Variants in MIB1 observed in about 807,000 individuals in gnomAD.
MIB1 encodes the protein E3 ubiquitin-protein ligase MIB1.
In MIB1, 278 loss-of-function variants were observed where a neutral mutation model predicts 124.5. The ratio of observed to expected loss-of-function variants is 2.23; its 90% CI spans 2.02 to 2.47. The LOEUF (loss-of-function observed/expected upper bound fraction) is 2.47. Among genes scored for constraint, MIB1 ranks in the 30% most tolerant of loss-of-function variants. The pLI is 0.00. For missense variants in MIB1, 957 were observed against 1,254.4 expected (o/e 0.76, Z 3.58); for synonymous variants, 446 against 429.4 (o/e 1.04, Z -0.48).
At chr18:21,823,384 T>C (rs2041896525) in intron 12 of MIB1, among the ~76,000 whole-genome samples, 2 of 140,330 alleles carry the variant, frequency 1.4e-5, no homozygotes, top group African/African-American at 5.3e-5. Context: ...CTGAGCAACA[T>C]AGCAAGACCC....
At chr18:21,777,721 A>AT (rs1216250730) in intron 4 of MIB1, among the ~76,000 whole-genome samples, 1 of 151,384 alleles carries the variant, frequency 6.6e-6, no homozygotes, top group Non-Finnish European at 1.5e-5. Flanking sequence ...CACATGGCTA[A>AT]TTTTTTTTGT....
intron 1 of MIB1, among the ~76,000 whole-genome samples, chr18:21,751,172 A>G (rs1254583676): frequency 1.3e-5 from 2 of 152,212 alleles, no homozygotes; most frequent in East Asian, 3.8e-4. Context: ...ACTGCACTCC[A>G]GCCTGGGTGA....
At chr18:21,740,788 T>A (rs2040838204), upstream of MIB1, among the ~76,000 whole-genome samples, 1 of 151,926 alleles carries the variant, frequency 6.6e-6, no homozygotes, top group African/African-American at 2.4e-5. Flanking sequence ...GCATGCGCAC[T>A]CTCCTTGGAC....
chr18:21,719,215 C>T (rs1412095190), intron 1 of MIB1, among the ~76,000 whole-genome samples: 1 of 151,362 alleles, frequency 6.6e-6, no homozygotes, highest in Non-Finnish European at 1.5e-5. Context: ...TTTAGCCAGG[C>T]ATGGTAGCTA....
intron 1 of MIB1, among the ~76,000 whole-genome samples, chr18:21,756,696 T>TGCCCACC (rs2041036158): frequency 1.3e-5 from 2 of 152,120 alleles, no homozygotes; most frequent in Non-Finnish European, 2.9e-5. Flanking sequence ...ACTCCTGATC[T>TGCCCACC]TAGGTGATCT....
chr18:21,838,372 C>T lies in MIB1; in HGVS notation c.1837C>T (p.Arg613Cys). ...TGTGAATTTAACTTTCAGTGCAATG[C>T]GTGTTTTACTATCTAAATTACCAAG... The part of the protein sequence containing the change: ...AALRGNPSAM[R>C]VLLSKLPRPW... Residue 613 changes from arginine (R) to cysteine (C), a missense_variant, in exon 13 of 21, where the codon CGT (arginine) becomes TGT (cysteine). Arg to Cys is a radical substitution (Grantham distance 180). Transcript: ENST00000261537. 3 of 1,585,140 alleles carry T rather than the reference C, an allele frequency of 1.9e-6. No homozygotes were observed. Among genetic ancestry groups the T allele is most frequent in the Non-Finnish European group, 2.6e-6 (3 of 1,164,768 alleles).
chr18:21,774,743 C>A (rs2146419121), intron 4 of MIB1, among the ~76,000 whole-genome samples: 1 of 151,902 alleles, frequency 6.6e-6, no homozygotes, highest in East Asian at 1.9e-4. Context: ...TGTCTATGTT[C>A]TTGTTAGGAA....
rs1377437512 is a variant in MIB1, at chr18:21,857,168, G to C, written c.2704G>C (p.Ala902Pro). The change falls in exon 19 of 21, where the codon GCA (alanine) becomes CCA (proline). Residue 902 changes from alanine to proline, a missense_variant. Ala to Pro is a conservative substitution (Grantham distance 27, BLOSUM62 -1). Transcript: ENST00000261537. ...NLMKKCVQCRAVVERRVPFIM... is the reference protein window; with the variant it reads ...NLMKKCVQCRPVVERRVPFIM... ...GATGAAAAAGTGTGTGCAGTGTCGA[G>C]CAGTAGTTGAACGAAGAGTGCCTTT... 6.2e-7 allele frequency: 1 copy of C among 1,614,052 alleles called. No individual in the cohort carries two copies. Among genetic ancestry groups the C allele is most frequent in the South Asian group, 1.1e-5 (1 of 91,088 alleles).
At chr18:21,749,597 A>G (rs960441111) in intron 1 of MIB1, among the ~76,000 whole-genome samples, 5 of 147,028 alleles carry the variant, frequency 3.4e-5, no homozygotes, top group East Asian at 2.1e-4. Context: ...GTTCATATGT[A>G]TTGTGACAAC....
At chr18:21,836,741 T>C (rs1568221091) in intron 12 of MIB1, among the ~76,000 whole-genome samples, 1 of 152,236 alleles carries the variant, frequency 6.6e-6, no homozygotes, top group Non-Finnish European at 1.5e-5. Flanking sequence ...TTAATACTTG[T>C]ATCTTTTAAA....
Position 21,798,229 on chromosome 18 carries a change from G to T in MIB1, c.1237+1G>T. The T allele has an allele frequency of 6.2e-7, 1 of 1,612,638 alleles. No homozygotes were observed. The highest frequency in any genetic ancestry group is 8.5e-7 in the Non-Finnish European group (1 of 1,179,020). On this transcript the variant is annotated splice_donor_variant, in intron 8 of 20. Coordinates refer to ENST00000261537, the MANE Select transcript of MIB1 (RefSeq NM_020774.4). LOFTEE classifies it high-confidence loss of function. ...TCAGCCATTAGCAATGCATCTGGTGGTATGTTTTATATTGTGTTTCTTTAA... is the reference window on the plus strand; with the variant it reads ...TCAGCCATTAGCAATGCATCTGGTGTTATGTTTTATATTGTGTTTCTTTAA...
At chr18:21,789,330 A>C (rs1199737002) in intron 6 of MIB1, among the ~76,000 whole-genome samples, 2 of 151,748 alleles carry the variant, frequency 1.3e-5, no homozygotes, top group African/African-American at 4.8e-5. Context: ...ACTCTCTTAT[A>C]AGGACACTAA....
intron 1 of MIB1, among the ~76,000 whole-genome samples, chr18:21,747,852 T>C (rs1236807398): frequency 6.6e-6 from 1 of 152,228 alleles, no homozygotes; most frequent in Non-Finnish European, 1.5e-5. Flanking sequence ...ATGTGTGCTT[T>C]CATCTGTTAA....
intron 20 of MIB1, among the ~76,000 whole-genome samples, chr18:21,859,886 C>CAAA (rs934260189): frequency 8.1e-4 from 23 of 28,388 alleles, no homozygotes; most frequent in East Asian, 1.5e-3. Flanking sequence ...GAGACTGTCT[C>CAAA]AAAAAAAAAA....
Position 21,773,691 on chromosome 18 carries a change from G to T in MIB1, c.599G>T (p.Gly200Val), listed in dbSNP as rs2041248360. ...HSAAYVLWDN[G>V]AKNLYRVGFE... ...GCAGCATATGTCCTCTGGGATAATG[G>T]TGCTAAGAACCTTTACAGAGTTGGC... The change falls in exon 4 of 21, where the codon GGT (glycine) becomes GTT (valine). Residue 200 changes from glycine (G) to valine (V), a missense_variant. By Grantham distance (109) the Gly-to-Val change is moderately radical. Coordinates refer to ENST00000261537, the MANE Select transcript of MIB1 (RefSeq NM_020774.4). 6.2e-7 allele frequency: 1 copy of T among 1,608,560 alleles called. No homozygotes were observed. The highest frequency in any genetic ancestry group is 8.5e-7 in the Non-Finnish European group (1 of 1,177,794).
chr18:21,810,114 A>G (rs1568211196), intron 10 of MIB1, among the ~76,000 whole-genome samples: 2 of 152,114 alleles, frequency 1.3e-5, no homozygotes, highest in African/African-American at 4.8e-5. Flanking sequence ...TTAACAATGA[A>G]TCTTTCAGGA....
intron 6 of MIB1, among the ~76,000 whole-genome samples, chr18:21,790,944 C>T (rs1277381642): frequency 6.6e-6 from 1 of 152,072 alleles, no homozygotes; most frequent in Admixed American, 6.5e-5. Context: ...TGGTTCACAC[C>T]TGTAATCCCA....
At chr18:21,844,334 T>A in intron 15 of MIB1, 81 bp downstream of exon 15, 2 of 1,361,608 alleles carry the variant, frequency 1.5e-6, no homozygotes, top group Non-Finnish European at 2.0e-6. Flanking sequence ...TAATCTAACC[T>A]GTATTGGATA....
Position 21,829,113 on chromosome 18 carries a change from A to G in MIB1, c.1830-9252A>G, listed in dbSNP as rs756524157. 6 of 433,384 alleles carry G rather than the reference A, an allele frequency of 1.4e-5. 1 individual carries two copies. Among genetic ancestry groups the G allele is most frequent in the South Asian group, 1.1e-4 (6 of 57,034 alleles). 26.8% of individuals were successfully genotyped at this position (433,384 alleles called of 1,614,324 possible). A position where few individuals can be genotyped will look rare whatever the true frequency, so the allele number is the denominator to read the frequency against. ...TATTACTAAGTTGTTAGCTGTAAAA[A>G]CATGAAATATTTTATTTTCTTATTT... On this transcript the variant is annotated intron_variant, in intron 12 of 20. Coordinates refer to ENST00000261537, the MANE Select transcript of MIB1 (RefSeq NM_020774.4).
Sources: gnomAD v4.1 joint callset for allele counts (sites outside exome capture counted in the v4.1 genomes callset) on GRCh38, gnomAD v4.1.1 for gene constraint, MANE v1.5 for transcripts, NCBI Gene and HGNC (gene_info 2026-07-23, HGNC 2026-07-21) for gene names.